The following ATXN1 variants were observed in gnomAD, a reference collection of about 807,000 sequenced individuals.
The protein encoded by ATXN1 is ataxin 1.
In ATXN1, 8 loss-of-function variants were observed where a neutral mutation model predicts 56.4. The observed-to-expected ratio is 0.14, with a 90% CI of 0.08 to 0.26. The LOEUF (loss-of-function observed/expected upper bound fraction) is 0.26, where lower values mean the gene tolerates loss of function less well. ATXN1 is among the 10% of genes least tolerant of loss of function. ATXN1 has a pLI of 1.00. For synonymous variants in ATXN1, 514 were observed against 494.6 expected, an observed-to-expected ratio of 1.04 and a Z score of -0.52; for missense variants, 987 against 1,106.5, an observed-to-expected ratio of 0.89 and a Z score of 1.53.
intron 5 of ATXN1, among the ~76,000 whole-genome samples, chr6:16,519,850 G>T (rs1479392736): frequency 6.6e-6 from 1 of 152,226 alleles, no homozygotes; most frequent in African/African-American, 2.4e-5. Context: ...ACCGAGACAG[G>T]AGGCAAGTGT....
intron 2 of ATXN1, among the ~76,000 whole-genome samples, chr6:16,678,838 C>A (rs1758739957): frequency 6.6e-6 from 1 of 152,140 alleles, no homozygotes; most frequent in Admixed American, 6.5e-5. Context: ...GAGTTCGAGA[C>A]CAGCCTGACC....
At chr6:16,578,513 T>C (rs1762466167) in intron 4 of ATXN1, among the ~76,000 whole-genome samples, 1 of 152,230 alleles carries the variant, frequency 6.6e-6, no homozygotes, top group Non-Finnish European at 1.5e-5. Context: ...ATTCCCAAGA[T>C]CCTGGAATTA....
At chr6:16,466,317 CAAAAAAAAAA>C (rs200261208) in intron 6 of ATXN1, among the ~76,000 whole-genome samples, 3 of 79,868 alleles carry the variant, frequency 3.8e-5, no homozygotes, top group African/African-American at 1.5e-4. Flanking sequence ...GACCCCATCT[CAAAAAAAAAA>C]AAAAAAAAAA....
At chr6:16,325,527 AC>A (rs1275622965) in intron 7 of ATXN1, among the ~76,000 whole-genome samples, 1 of 151,936 alleles carries the variant, frequency 6.6e-6, no homozygotes, top group East Asian at 1.9e-4. Context: ...AAACCCGTTT[AC>A]CCTGCCTCCC....
At chr6:16,487,968 C>T (rs1309308890) in intron 5 of ATXN1, among the ~76,000 whole-genome samples, 2 of 152,112 alleles carry the variant, frequency 1.3e-5, no homozygotes, top group Non-Finnish European at 2.9e-5. Context: ...TCTGTTATTT[C>T]TCTCTTTTTT....
chr6:16,396,104 A>G lies in ATXN1; in HGVS notation c.-160-67634T>C, dbSNP rs115435873. Among the ~76,000 whole-genome samples the G allele has an allele frequency of 5.5e-3, 827 of 150,618 alleles. 7 individuals are homozygous for G. The highest frequency in any genetic ancestry group is 0.019 in the African/African-American group (773 of 41,034). On this transcript the variant is annotated intron_variant, in intron 6 of 7. Transcript: ENST00000436367. ...AGGTGTTCAAGAAGAAGGCATTGTT[A>G]TCATCGCAGATGATGGCTCCATTCA...
At chr6:16,391,455 G>A (rs191132363) in intron 6 of ATXN1, among the ~76,000 whole-genome samples, 1 of 152,256 alleles carries the variant, frequency 6.6e-6, no homozygotes, top group Non-Finnish European at 1.5e-5. Context: ...ACAGGTAATG[G>A]TATTTTTTAA....
At chr6:16,753,044 G>A (rs1760771035) in intron 2 of ATXN1, 189 bp downstream of exon 2, 2 of 350,798 alleles carry the variant, frequency 5.7e-6, no homozygotes, top group African/African-American at 2.1e-5. Context: ...CAAATAGATA[G>A]ATACTTTAAT....
In ATXN1 at chr6:16,479,209, C is replaced by CA. The variant is rs200279035; in HGVS notation, c.-161+6762dup. Reference sequence around the variant, plus strand: ...TGTTTCAGGAATATAAGCACAAATACAAAAAAAAATTGCTCTGAAAACTTA... The same window carrying CA: ...TGTTTCAGGAATATAAGCACAAATACAAAAAAAAAATTGCTCTGAAAACTTA... On this transcript the variant is annotated intron_variant, in intron 6 of 7. Transcript: ENST00000436367. 1.2e-3 allele frequency among the ~76,000 whole-genome samples: 174 copies of CA among 150,776 alleles called. 2 individuals carry two copies. The South Asian group carries it at 0.025, about 22-fold the overall frequency.
Position 16,328,382 on chromosome 6 carries a change from AAGTC to A in ATXN1, c.-76_-73del. On this transcript the variant is annotated 5_prime_UTR_variant, in exon 7 of 8. It introduces an in-frame stop codon into an upstream open reading frame of the 5' UTR. Coordinates refer to ENST00000436367, the MANE Select transcript of ATXN1 (RefSeq NM_001128164.2). The surrounding 1 kb of genome is among the most constrained non-coding windows in gnomAD (Gnocchi z 6.2). ...CTCTGATTTTAGTCTGATAAACGGA[AAGTC>A]ACATTTGATTTCTGTAGGGGATCCA... is the stretch of plus-strand genomic sequence containing the variant. The A allele has an allele frequency of 7.0e-7, 1 of 1,427,856 alleles. No homozygotes were observed. Among genetic ancestry groups the A allele is most frequent in the Non-Finnish European group, 9.1e-7 (1 of 1,094,726 alleles). The allele number at this position is 1,427,856 out of a possible 1,614,324, so 88.4% of individuals were successfully genotyped here.
At chr6:16,710,519 A>C (rs6928225) in intron 2 of ATXN1, among the ~76,000 whole-genome samples, 86,798 of 151,968 alleles carry the variant, frequency 0.57, 25,327 homozygotes, top group East Asian at 0.86. Context: ...GACTCACGCT[A>C]TCTGTTTTCA....
Position 16,367,333 on chromosome 6 carries a change from T to TTCTCTTTC in ATXN1, c.-160-38864_-160-38863insGAAAGAGA, listed in dbSNP as rs1323098958. 3.3e-4 allele frequency among the ~76,000 whole-genome samples: 26 copies of TTCTCTTTC among 79,174 alleles called. No homozygotes were observed. In the East Asian group the frequency reaches 7.8e-3, roughly 24 times the overall value. 51.9% of individuals were successfully genotyped at this position (79,174 alleles called of 152,430 possible). A position where few individuals can be genotyped will look rare whatever the true frequency, so the allele number is the denominator to read the frequency against. The stretch of plus-strand genomic sequence containing the variant: ...GCACATCTTGCAGCCAAGATTCTGT[T>TTCTCTTTC]TCTCTCTCTCTCTCTCTCTCTCTCT... On this transcript the variant is annotated intron_variant, in intron 6 of 7. Coordinates refer to ENST00000436367, the MANE Select transcript of ATXN1 (RefSeq NM_001128164.2).
intron 4 of ATXN1, among the ~76,000 whole-genome samples, chr6:16,579,464 G>A (rs1020629547): frequency 1.7e-5 from 2 of 120,398 alleles, no homozygotes; most frequent in African/African-American, 5.8e-5. Flanking sequence ...CAGGGTCACT[G>A]AGTACCTTGG....
chr6:16,366,679 GCT>G (rs1429861735), intron 6 of ATXN1, among the ~76,000 whole-genome samples: 4 of 151,716 alleles, frequency 2.6e-5, no homozygotes, highest in Non-Finnish European at 1.5e-5. Context: ...TACTCGGGAG[GCT>G]GAGACAGGAG....
At chr6:16,672,982 C>T (rs1758575574) in intron 2 of ATXN1, among the ~76,000 whole-genome samples, 1 of 146,444 alleles carries the variant, frequency 6.8e-6, no homozygotes, top group Admixed American at 6.9e-5. Flanking sequence ...CACTGCACTC[C>T]AGCCTGGGCG....
At chr6:16,381,297 G>C (rs531527048) in intron 6 of ATXN1, among the ~76,000 whole-genome samples, 1 of 152,210 alleles carries the variant, frequency 6.6e-6, no homozygotes, top group South Asian at 2.1e-4. Flanking sequence ...AAAAAAAAAG[G>C]GGGAAATGTG....
chr6:16,417,811 C>A (rs1283231003), intron 6 of ATXN1, among the ~76,000 whole-genome samples: 1 of 151,992 alleles, frequency 6.6e-6, no homozygotes, highest in African/African-American at 2.4e-5. Flanking sequence ...ACAACTGATG[C>A]CATTCATGCT....
intron 2 of ATXN1, among the ~76,000 whole-genome samples, chr6:16,662,072 T>C (rs1217909586): frequency 6.6e-6 from 1 of 152,216 alleles, no homozygotes; most frequent in Non-Finnish European, 1.5e-5. Flanking sequence ...GAACTTTACA[T>C]GACTTTTTAC....
intron 6 of ATXN1, among the ~76,000 whole-genome samples, chr6:16,356,749 G>T (rs1761695753): frequency 6.6e-6 from 1 of 152,122 alleles, no homozygotes; most frequent in Non-Finnish European, 1.5e-5. Context: ...CTGCATACTA[G>T]ACAAACTTCT....
Sources: allele counts gnomAD v4.1 joint callset (sites outside exome capture counted in the v4.1 genomes callset), GRCh38; gene constraint gnomAD v4.1.1; non-coding constraint Gnocchi (gnomAD v3.1); transcripts MANE v1.5; gene names NCBI Gene and HGNC (gene_info 2026-07-23, HGNC 2026-07-21).